CBLN2: variants seen among roughly 807,000 people sequenced by gnomAD.
CBLN2 encodes cerebellin-2.
Under a neutral mutation model 15.0 loss-of-function variants are expected in CBLN2, and 7 were observed. The observed-to-expected ratio is 0.47, with a 90% CI of 0.27 to 0.88. The LOEUF is 0.88. Ranked by LOEUF, CBLN2 falls within the 40% of genes least tolerant of loss-of-function variation. The probability of loss-of-function intolerance (pLI) is 0.14; values close to 1 mark genes in which losing one functional copy is unlikely to be tolerated. For missense variants in CBLN2, 242 were observed against 304.5 expected, an observed-to-expected ratio of 0.79 and a Z score of 1.53; for synonymous variants, 149 against 135.2, an observed-to-expected ratio of 1.10 and a Z score of -0.71.
At chr18:72,538,487 T>C in intron 4 of CBLN2, 114 bp from the exon 5 acceptor site, 1 of 1,427,306 alleles carries the variant, frequency 7.0e-7, no homozygotes, top group South Asian at 1.2e-5. Flanking sequence ...AGAGTACACA[T>C]CAGGGGAGCC....
chr18:72,624,617 G>A (rs1454025491), intron 1 of CBLN2, among the ~76,000 whole-genome samples: 2 of 152,112 alleles, frequency 1.3e-5, no homozygotes, highest in Non-Finnish European at 2.9e-5. Context: ...TCCATCCTGG[G>A]CGACAGAGTG....
At chr18:72,590,219 G>A (rs1276790131) in intron 1 of CBLN2, among the ~76,000 whole-genome samples, 1 of 151,762 alleles carries the variant, frequency 6.6e-6, no homozygotes, top group Non-Finnish European at 1.5e-5. Flanking sequence ...GAGCTGAGAT[G>A]GCGCCACTGC....
At chr18:72,636,915 A>G (rs1210767820) in intron 1 of CBLN2, among the ~76,000 whole-genome samples, 1 of 152,122 alleles carries the variant, frequency 6.6e-6, no homozygotes, top group Admixed American at 6.5e-5. Flanking sequence ...TTTCACATTT[A>G]AATTTCAGTT....
At chr18:72,599,371 T>G (rs1599017287) in intron 1 of CBLN2, among the ~76,000 whole-genome samples, 1 of 152,184 alleles carries the variant, frequency 6.6e-6, no homozygotes, top group Non-Finnish European at 1.5e-5. Flanking sequence ...AATACAAAAA[T>G]GGATGTACCC....
intron 1 of CBLN2, among the ~76,000 whole-genome samples, chr18:72,575,910 A>G (rs1210644916): frequency 2.0e-5 from 3 of 152,114 alleles, no homozygotes; most frequent in Non-Finnish European, 4.4e-5. Context: ...TAAATGAGGC[A>G]AGTCAGAGGA....
At chr18:72,622,431 A>T (rs936212546) in intron 1 of CBLN2, among the ~76,000 whole-genome samples, 1 of 152,038 alleles carries the variant, frequency 6.6e-6, no homozygotes, top group African/African-American at 2.4e-5. Flanking sequence ...CCTGGCACTC[A>T]GTTTACAAGA....
intron 1 of CBLN2, among the ~76,000 whole-genome samples, chr18:72,603,011 G>A (rs1170147164): frequency 1.3e-5 from 2 of 152,196 alleles, no homozygotes; most frequent in Non-Finnish European, 2.9e-5. Flanking sequence ...TTGCCTAAGC[G>A]ATTCCATCAT....
chr18:72,562,491 T>A (rs1325703111), intron 1 of CBLN2, among the ~76,000 whole-genome samples: 5 of 152,230 alleles, frequency 3.3e-5, no homozygotes, highest in Non-Finnish European at 7.3e-5. Flanking sequence ...AAGTATGATT[T>A]CTCAGTATAT....
chr18:72,561,059 A>G (rs981088770), intron 1 of CBLN2, among the ~76,000 whole-genome samples: 6 of 152,078 alleles, frequency 3.9e-5, no homozygotes, highest in Admixed American at 3.9e-4. Context: ...ATGACTGTGA[A>G]TAATGTTGTG....
intron 1 of CBLN2, among the ~76,000 whole-genome samples, chr18:72,570,751 A>G (rs924730701): frequency 1.3e-5 from 2 of 152,140 alleles, no homozygotes; most frequent in Non-Finnish European, 2.9e-5. Context: ...AACTGCAGAA[A>G]AGGAGATAGG....
chr18:72,560,329 T>C (rs1232553396), intron 1 of CBLN2, among the ~76,000 whole-genome samples: 1 of 152,192 alleles, frequency 6.6e-6, no homozygotes, highest in Non-Finnish European at 1.5e-5. Flanking sequence ...ATCACATGGC[T>C]TCAGGAAAAG....
intron 1 of CBLN2, among the ~76,000 whole-genome samples, chr18:72,619,639 G>A (rs570847110): frequency 1.3e-5 from 2 of 152,232 alleles, no homozygotes; most frequent in Non-Finnish European, 2.9e-5. Flanking sequence ...AACCTTCTAT[G>A]GTTTGTACGA....
At chr18:72,542,411 CG>C in intron 2 of CBLN2, 85 bp from the exon 3 acceptor site, 1 of 227,484 alleles carries the variant, frequency 4.4e-6, no homozygotes, top group Non-Finnish European at 8.3e-6. Flanking sequence ...GCCTGCGGCT[CG>C]GGGGTTCTCC....
At position 72,635,805 on chromosome 18, in the gene CBLN2, C is replaced by A. The variant is rs182706306; in HGVS notation, c.15+2520G>T. Reference sequence around the variant, plus strand: ...ATTTAAAAGAAACAAATTATCAAACCATACTTAATTCCATCATATTGGTAA... The same window carrying A: ...ATTTAAAAGAAACAAATTATCAAACAATACTTAATTCCATCATATTGGTAA... On this transcript the variant is annotated intron_variant, in intron 1 of 2. Coordinates refer to the CBLN2 transcript ENST00000581073. Among the ~76,000 whole-genome samples the A allele has an allele frequency of 3.1e-3, 468 of 152,034 alleles. 2 individuals are homozygous for A. The highest frequency in any genetic ancestry group is 0.011 in the African/African-American group (439 of 41,502).
At chr18:72,541,155 A>T (rs777950023) in intron 3 of CBLN2, among the ~76,000 whole-genome samples, 1 of 152,222 alleles carries the variant, frequency 6.6e-6, no homozygotes, top group African/African-American at 2.4e-5. Context: ...AATTTGTACC[A>T]ACACACTGTT....
chr18:72,586,670 A>C (rs1568124749), intron 1 of CBLN2, among the ~76,000 whole-genome samples: 1 of 152,174 alleles, frequency 6.6e-6, no homozygotes. Flanking sequence ...ATTTGTACTC[A>C]CACAGTACGT....
chr18:72,637,699 C>A (rs936039704), intron 1 of CBLN2, among the ~76,000 whole-genome samples: 11 of 151,974 alleles, frequency 7.2e-5, no homozygotes, highest in African/African-American at 1.7e-4. Flanking sequence ...TGTCTACCAT[C>A]GACAGGCACC....
chr18:72,594,104 G>A (rs551665290), intron 1 of CBLN2, among the ~76,000 whole-genome samples: 1 of 152,240 alleles, frequency 6.6e-6, no homozygotes, highest in South Asian at 2.1e-4. Context: ...GACACATATA[G>A]AGGAACATCA....
upstream of CBLN2, among the ~76,000 whole-genome samples, chr18:72,546,602 A>G (rs77860560): frequency 1.2e-3 from 190 of 152,254 alleles, no homozygotes; most frequent in East Asian, 9.3e-3. Context: ...AATTGTTGCT[A>G]TTACTACTAG....
Sources: allele counts gnomAD v4.1 joint callset (sites outside exome capture counted in the v4.1 genomes callset), GRCh38; gene constraint gnomAD v4.1.1; transcripts MANE v1.5; gene names NCBI Gene and HGNC (gene_info 2026-07-23, HGNC 2026-07-21).